Variants in RBFOX1 observed in about 807,000 individuals in gnomAD.
RBFOX1 encodes RNA binding fox-1 homolog 1, also known as RNA binding protein fox-1 homolog 1.
A neutral mutation model predicts 57.7 loss-of-function variants in RBFOX1; 8 were observed. That is an observed-to-expected ratio of 0.14 (90% CI 0.08 to 0.25). The LOEUF (loss-of-function observed/expected upper bound fraction) is 0.25, where lower values mean the gene tolerates loss of function less well. Ranked by LOEUF, RBFOX1 falls within the 10% of genes least tolerant of loss-of-function variation. RBFOX1 has a pLI of 1.00. For missense variants in RBFOX1, 611 were observed against 548.5 expected, an observed-to-expected ratio of 1.11 and a Z score of -1.14; for synonymous variants, 326 against 222.4, an observed-to-expected ratio of 1.47 and a Z score of -4.15.
chr16:7,627,963 G>A (rs1330969180), intron 10 of RBFOX1, among the ~76,000 whole-genome samples: 2 of 150,700 alleles, frequency 1.3e-5, no homozygotes, highest in Non-Finnish European at 2.9e-5. Flanking sequence ...AAATATTTCA[G>A]TCCAGGTTCT....
intron 1 of RBFOX1, among the ~76,000 whole-genome samples, chr16:6,028,509 TAAA>T (rs36218292): frequency 5.5e-4 from 58 of 104,510 alleles, no homozygotes; most frequent in African/African-American, 1.6e-3. Flanking sequence ...CTGTCTCTGT[TAAA>T]AAAAAAAAAA....
intron 3 of RBFOX1, among the ~76,000 whole-genome samples, chr16:5,787,665 C>T (rs1476079298): frequency 6.6e-6 from 1 of 152,106 alleles, no homozygotes; most frequent in Non-Finnish European, 1.5e-5. Context: ...CTGGATCTCG[C>T]AGAGAGGGTT....
intron 2 of RBFOX1, among the ~76,000 whole-genome samples, chr16:6,465,593 T>G (rs1207257989): frequency 7.3e-6 from 1 of 136,168 alleles, no homozygotes; most frequent in South Asian, 2.4e-4. Flanking sequence ...TATAGATGTA[T>G]AGGGCTGTGT....
intron 3 of RBFOX1, among the ~76,000 whole-genome samples, chr16:5,706,478 CAG>C (rs1264572861): frequency 2.0e-5 from 3 of 152,160 alleles, no homozygotes; most frequent in African/African-American, 7.2e-5. Context: ...AGTCATGATG[CAG>C]AGAGGGTTGA....
At chr16:6,731,157 C>T (rs2068485284) in intron 3 of RBFOX1, among the ~76,000 whole-genome samples, 1 of 152,052 alleles carries the variant, frequency 6.6e-6, no homozygotes, top group African/African-American at 2.4e-5. Context: ...CTGCTGAGGA[C>T]AGCTAGAATT....
chr16:7,067,384 A>G (rs1598582744), intron 4 of RBFOX1, among the ~76,000 whole-genome samples: 1 of 152,062 alleles, frequency 6.6e-6, no homozygotes, highest in South Asian at 2.1e-4. Flanking sequence ...CAAGAATCTC[A>G]CTGAAGTAAA....
rs1004813888 is a variant in RBFOX1 at position 6,958,910 on chromosome 16, C to A, written c.-15-93147C>A. On this transcript the variant is annotated intron_variant, in intron 3 of 15. Coordinates refer to ENST00000550418, the MANE Select transcript of RBFOX1 (RefSeq NM_018723.4). ...GAAATGATACAGGTAAAATTAATGA[C>A]AAGGCGTATTCTCCATCCTGACATA... Among the ~76,000 whole-genome samples, 3 of 151,996 alleles carry A rather than the reference C, an allele frequency of 2.0e-5. No homozygotes were observed. The East Asian group carries it at 5.8e-4, about 29-fold the overall frequency.
At chr16:6,617,169 C>T (rs1459877733) in intron 2 of RBFOX1, among the ~76,000 whole-genome samples, 1 of 151,926 alleles carries the variant, frequency 6.6e-6, no homozygotes, top group African/African-American at 2.4e-5. Context: ...TGACTATAAG[C>T]ACTTGTCCAC....
At position 6,552,147 on chromosome 16, in the gene RBFOX1, G is replaced by A. The variant is rs1361579337; in HGVS notation, c.-63-102456G>A. 2.0e-5 allele frequency among the ~76,000 whole-genome samples: 3 copies of A among 152,118 alleles called. No individual in the cohort carries two copies. In the East Asian group the frequency reaches 5.8e-4, roughly 29 times the overall value. On this transcript the variant is annotated intron_variant, in intron 2 of 15. Transcript: ENST00000550418. ...ATGTTCTTGTGTGTGGCTAAGCTAT[G>A]CCCACATTTTTAAAAGTTGGAACAC...
chr16:5,627,147 C>T (rs756396162), intron 3 of RBFOX1, among the ~76,000 whole-genome samples: 3 of 152,032 alleles, frequency 2.0e-5, no homozygotes, highest in African/African-American at 4.8e-5. Flanking sequence ...TGAAAAAATC[C>T]ACCATTAGAA....
intron 1 of RBFOX1, among the ~76,000 whole-genome samples, chr16:6,047,690 G>T (rs2095509814): frequency 6.6e-6 from 1 of 152,154 alleles, no homozygotes; most frequent in African/African-American, 2.4e-5. Flanking sequence ...CGGAGCAGGG[G>T]ATGCTGATTT....
At chr16:7,269,749 G>T (rs963113074) in intron 4 of RBFOX1, among the ~76,000 whole-genome samples, 3 of 152,036 alleles carry the variant, frequency 2.0e-5, no homozygotes, top group African/African-American at 7.2e-5. Flanking sequence ...TTACATTTTT[G>T]AATATTTCCT....
intron 1 of RBFOX1, among the ~76,000 whole-genome samples, chr16:5,391,612 G>A (rs981900361): frequency 1.3e-5 from 2 of 152,076 alleles, no homozygotes; most frequent in South Asian, 2.1e-4. Context: ...TCCAGAGTTC[G>A]TTCCTCCTGA....
intron 3 of RBFOX1, among the ~76,000 whole-genome samples, chr16:5,606,146 C>G (rs1006378833): frequency 1.4e-4 from 21 of 152,168 alleles, no homozygotes; most frequent in African/African-American, 4.8e-4. Context: ...CAGCAGCTCT[C>G]TGTGATGTGA....
intron 3 of RBFOX1, among the ~76,000 whole-genome samples, chr16:6,693,277 C>T (rs1161587424): frequency 2.6e-5 from 4 of 151,592 alleles, no homozygotes; most frequent in African/African-American, 9.7e-5. Flanking sequence ...CTAACATCAC[C>T]ACCGTCATTA....
chr16:7,618,778 T>G (rs1009104452), intron 10 of RBFOX1, among the ~76,000 whole-genome samples: 2 of 152,210 alleles, frequency 1.3e-5, no homozygotes, highest in African/African-American at 4.8e-5. Context: ...GAAAATGTAG[T>G]TTTGAAGAAC....
At chr16:6,897,253 C>G (rs943520780) in intron 3 of RBFOX1, among the ~76,000 whole-genome samples, 1 of 152,166 alleles carries the variant, frequency 6.6e-6, no homozygotes, top group African/African-American at 2.4e-5. Context: ...CATTCCCCGT[C>G]TTTACTAAAA....
rs540975556 is a variant in RBFOX1, at chr16:5,374,120, T to G, written c.220-93096T>G. On this transcript the variant is annotated intron_variant, in intron 1 of 2. Coordinates refer to the RBFOX1 transcript ENST00000585867. ...GTGCGGCTAATTTTTGTGTTTTTAG[T>G]AGAGACAGGGTTTCACCATGTGGGC... 5.4e-4 allele frequency among the ~76,000 whole-genome samples: 83 copies of G among 152,302 alleles called. 2 individuals carry two copies. In the South Asian group the frequency reaches 0.017, roughly 31 times the overall value.
chr16:5,780,395 A>T (rs1003703356), intron 3 of RBFOX1, among the ~76,000 whole-genome samples: 1 of 152,180 alleles, frequency 6.6e-6, no homozygotes, highest in African/African-American at 2.4e-5. Flanking sequence ...AATTTTATTC[A>T]TTGGTTCATC....
Sources: gnomAD v4.1 joint callset for allele counts (sites outside exome capture counted in the v4.1 genomes callset) on GRCh38, gnomAD v4.1.1 for gene constraint, MANE v1.5 for transcripts, NCBI Gene and HGNC (gene_info 2026-07-23, HGNC 2026-07-21) for gene names.